Variants in TENT4A observed in about 807,000 individuals in gnomAD.
TENT4A encodes the protein terminal nucleotidyltransferase 4A.
In TENT4A, 7 loss-of-function variants were observed where a neutral mutation model predicts 72.8. The observed-to-expected ratio is 0.10, with a 90% CI of 0.05 to 0.18. The LOEUF (loss-of-function observed/expected upper bound fraction) is 0.18, where lower values mean the gene tolerates loss of function less well. Among genes scored for constraint, TENT4A ranks in the 10% least tolerant of loss-of-function variants. TENT4A has a pLI of 1.00. For missense variants in TENT4A, 831 were observed against 1,017.7 expected (o/e 0.82, Z 2.50); for synonymous variants, 456 against 434.3 (o/e 1.05, Z -0.62).
At chr5:6,723,526 C>T (rs368300246) in intron 1 of TENT4A, among the ~76,000 whole-genome samples, 8 of 152,192 alleles carry the variant, frequency 5.3e-5, no homozygotes, top group African/African-American at 9.7e-5. Flanking sequence ...GACAGTCTGA[C>T]GTGACCTGGC....
intron 1 of TENT4A, among the ~76,000 whole-genome samples, chr5:6,730,834 TAATC>T: frequency 6.6e-6 from 1 of 150,638 alleles, no homozygotes; most frequent in African/African-American, 2.4e-5. Flanking sequence ...CCTTGTAACA[TAATC>T]AAAAATAAAT....
At chr5:6,737,803 C>T (rs1741581243) in intron 2 of TENT4A, among the ~76,000 whole-genome samples, 170 bp downstream of exon 2, 1 of 152,232 alleles carries the variant, frequency 6.6e-6, no homozygotes, top group Non-Finnish European at 1.5e-5. Context: ...ATGCATGGCC[C>T]CCGGCGCACC....
At chr5:6,750,856 T>C in intron 10 of TENT4A, 183 bp from the exon 11 acceptor site, 2 of 616,204 alleles carry the variant, frequency 3.2e-6, no homozygotes, top group Middle Eastern at 4.3e-4. Flanking sequence ...TCTTTTTCAG[T>C]TGTGATGAAA....
At chr5:6,727,738 T>C (rs1433653038) in intron 1 of TENT4A, among the ~76,000 whole-genome samples, 2 of 152,196 alleles carry the variant, frequency 1.3e-5, no homozygotes, top group Non-Finnish European at 2.9e-5. Context: ...GCATAGCAAC[T>C]TTTTGGTTTA....
chr5:6,743,666 A>G, intron 5 of TENT4A, 46 bp from the exon 6 acceptor site: 1 of 1,453,402 alleles, frequency 6.9e-7, no homozygotes, highest in South Asian at 1.2e-5. Context: ...ATCTCTTTGA[A>G]AGTATGGTAA....
Position 6,714,496 on chromosome 5 carries a change from C to G in TENT4A, c.513C>G (p.Gly171=). The change falls in exon 1 of 13, where the codon GGC becomes GGG. Residue 171 remains glycine, a synonymous_variant. Transcript: ENST00000230859. ...CCAACGGGCACCCCGGGCCGCGCGG[C>G]CCCGCGCCCGCCGGCTCCCCGTCGC... is the stretch of plus-strand genomic sequence containing the variant. ...GTANGHPGPR[G]PAPAGSPSQH... 5.1e-6 allele frequency: 6 copies of G among 1,186,598 alleles called. No individual in the cohort carries two copies. Among genetic ancestry groups the G allele is most frequent in the Non-Finnish European group, 6.3e-6 (6 of 958,930 alleles). The allele number at this position is 1,186,598 out of a possible 1,614,324, so 73.5% of individuals were successfully genotyped here.
intron 1 of TENT4A, 90 bp from the exon 2 acceptor site, chr5:6,737,420 T>C: frequency 8.4e-7 from 1 of 1,196,166 alleles, no homozygotes; most frequent in African/African-American, 1.5e-5. Flanking sequence ...GCCAGAAATA[T>C]GTTTGAGCGT....
chr5:6,733,910 T>C (rs777495622), intron 1 of TENT4A, among the ~76,000 whole-genome samples: 5 of 152,072 alleles, frequency 3.3e-5, no homozygotes, highest in Non-Finnish European at 7.4e-5. Context: ...AATGTAAAAA[T>C]GTTTACATTT....
At position 6,746,207 on chromosome 5, in the gene TENT4A, T is replaced by C. The variant is rs370820006; in HGVS notation, c.1246-7T>C. On this transcript the variant is annotated splice_region_variant and splice_polypyrimidine_tract_variant and intron_variant, in intron 6 of 12. Coordinates refer to ENST00000230859, the MANE Select transcript of TENT4A (RefSeq NM_006999.6). ...CCATACAAATTGTGGGTGCATTGCT[T>C]TTACAGTTGCATCCAAGAATTGATG... 7.4e-6 allele frequency: 12 copies of C among 1,614,054 alleles called. No homozygotes were observed. In the African/African-American group the frequency reaches 1.5e-4, roughly 20 times the overall value.
Position 6,752,904 on chromosome 5 carries a change from G to T in TENT4A, c.2051G>T (p.Gly684Val), listed in dbSNP as rs997852912. The T allele has an allele frequency of 6.2e-7, 1 of 1,614,108 alleles. No individual in the cohort carries two copies. The highest frequency in any genetic ancestry group is 8.5e-7 in the Non-Finnish European group (1 of 1,180,018). ...TTTACTATACCTCCACCGACCCTAG[G>T]GGTTGCTCCTGTTCCTTGCAGACAA... ...TRFTIPPPTL[G>V]VAPVPCRQAG... is the part of the protein sequence containing the mutation. Residue 684 changes from glycine (G) to valine (V), a missense_variant, in exon 12 of 13, where the codon GGG (glycine) becomes GTG (valine). Gly to Val is a moderately radical substitution (Grantham distance 109, BLOSUM62 -3). Transcript: ENST00000230859.
rs1043953589 is a variant in TENT4A at position 6,713,466 on chromosome 5, TCAC to T, written c.-516_-514del. On this transcript the variant is annotated 5_prime_UTR_variant, in exon 1 of 13. Coordinates refer to ENST00000230859, the MANE Select transcript of TENT4A (RefSeq NM_006999.6). Reference sequence around the variant, plus strand: ...CGCTGTCGCCGCCGAGAGTGTCTTTTCACCGCCGCCGCCGCCGCCGCCGCAGGA... The same window carrying T: ...CGCTGTCGCCGCCGAGAGTGTCTTTTCGCCGCCGCCGCCGCCGCCGCAGGA... 8 of 151,106 alleles carry T rather than the reference TCAC, an allele frequency of 5.3e-5. No individual in the cohort carries two copies. The highest frequency in any genetic ancestry group is 3.9e-4 in the East Asian group (2 of 5,066). The allele number at this position is 151,106 out of a possible 1,614,324, so 9.4% of individuals were successfully genotyped here.
In TENT4A at chr5:6,756,174, G is replaced by A. The variant is rs1742688754; in HGVS notation, c.*1229G>A. ...GGGGCCGGGACCGCTGGCGCCCGAC[G>A]TCGGAAGCATACAGGTATACTATGC... is the stretch of plus-strand genomic sequence containing the variant. On this transcript the variant is annotated 3_prime_UTR_variant, in exon 13 of 13. Transcript: ENST00000230859. 6.5e-6 allele frequency: 1 copy of A among 152,762 alleles called. No homozygotes were observed. The highest frequency in any genetic ancestry group is 1.9e-4 in the East Asian group (1 of 5,184). 9.5% of individuals were successfully genotyped at this position (152,762 alleles called of 1,614,324 possible). A position where few individuals can be genotyped will look rare whatever the true frequency, so the allele number is the denominator to read the frequency against.
At chr5:6,750,969 T>A in intron 10 of TENT4A, 70 bp from the exon 11 acceptor site, 1 of 1,519,454 alleles carries the variant, frequency 6.6e-7, no homozygotes, top group Non-Finnish European at 9.0e-7. Flanking sequence ...TTTCTTTTCA[T>A]AGCTTTAAGG....
intron 4 of TENT4A, among the ~76,000 whole-genome samples, chr5:6,741,340 C>T (rs1741794833): frequency 6.6e-6 from 1 of 152,204 alleles, no homozygotes; most frequent in Non-Finnish European, 1.5e-5. Context: ...TTTGGAACAA[C>T]AACCCAAAAC....
At chr5:6,752,731 A>G (rs1742477266) in intron 11 of TENT4A, 142 bp from the exon 12 acceptor site, 1 of 623,934 alleles carries the variant, frequency 1.6e-6, no homozygotes. Context: ...ATTGTTAGGT[A>G]ATAGTAAAAC....
chr5:6,733,482 A>G (rs1047644856), intron 1 of TENT4A, among the ~76,000 whole-genome samples: 1 of 152,244 alleles, frequency 6.6e-6, no homozygotes, highest in African/African-American at 2.4e-5. Context: ...ATGCATAGAA[A>G]TTTCTTCGAT....
chr5:6,750,065 G>A (rs569151576), intron 9 of TENT4A, among the ~76,000 whole-genome samples: 6 of 152,122 alleles, frequency 3.9e-5, no homozygotes, highest in African/African-American at 9.7e-5. Flanking sequence ...CTAAATTTTC[G>A]TAAAAAATAC....
At chr5:6,743,187 T>C (rs575357085) in intron 5 of TENT4A, among the ~76,000 whole-genome samples, 18 of 152,234 alleles carry the variant, frequency 1.2e-4, no homozygotes, top group Admixed American at 1.0e-3. Context: ...TCTGGTCCCA[T>C]CTTGTTCCAT....
At chr5:6,728,650 G>A (rs900014779) in intron 1 of TENT4A, among the ~76,000 whole-genome samples, 1 of 152,218 alleles carries the variant, frequency 6.6e-6, no homozygotes, top group East Asian at 1.9e-4. Context: ...CAGCATGAGG[G>A]CCTGTGGTGC....
Sources: allele counts gnomAD v4.1 joint callset (sites outside exome capture counted in the v4.1 genomes callset), GRCh38; gene constraint gnomAD v4.1.1; transcripts MANE v1.5; gene names NCBI Gene and HGNC (gene_info 2026-07-23, HGNC 2026-07-21).